HSPB7: variants seen among roughly 807,000 people sequenced by gnomAD.
The protein encoded by HSPB7 is heat shock protein beta-7.
Under a neutral mutation model 11.0 loss-of-function variants are expected in HSPB7, and 9 were observed. The ratio of observed to expected loss-of-function variants is 0.82; its 90% confidence interval spans 0.49 to 1.43. The LOEUF (loss-of-function observed/expected upper bound fraction) is 1.43. HSPB7 is among the 40% of genes most tolerant of loss of function. The probability of loss-of-function intolerance (pLI) is 0.00; values close to 1 mark genes in which losing one functional copy is unlikely to be tolerated. For missense variants in HSPB7, 246 were observed against 243.9 expected, an observed-to-expected ratio of 1.01 and a Z score of -0.06; for synonymous variants, 102 against 101.6, an observed-to-expected ratio of 1.00 and a Z score of -0.02.
At chr1:16,018,210 G>A, upstream of HSPB7, 1 of 1,492,830 alleles carries the variant, frequency 6.7e-7, no homozygotes, top group Non-Finnish European at 9.0e-7. Context: ...CGAGAGGGCT[G>A]AGCTCACAGC....
Position 16,018,030 on chromosome 1 carries a change from C to G in HSPB7, c.-67G>C, listed in dbSNP as rs1221436685. ...GACAGGAGAGGGTGTGGGCGCAGGCCTCTGGGCGAGCGTGCCAGGCTCCGA... is the reference window on the plus strand; with the variant it reads ...GACAGGAGAGGGTGTGGGCGCAGGCGTCTGGGCGAGCGTGCCAGGCTCCGA... On this transcript the variant is annotated 5_prime_UTR_variant, in exon 1 of 3. Coordinates refer to ENST00000311890, the MANE Select transcript of HSPB7 (RefSeq NM_014424.5). 2 of 1,610,376 alleles carry G rather than the reference C, an allele frequency of 1.2e-6. No individual in the cohort carries two copies. The highest frequency in any genetic ancestry group is 1.7e-6 in the Non-Finnish European group (2 of 1,178,770).
At chr1:16,016,144 C>T (rs1013633334) in intron 2 of HSPB7, among the ~76,000 whole-genome samples, 15 of 152,248 alleles carry the variant, frequency 9.9e-5, no homozygotes, top group Non-Finnish European at 1.8e-4. Flanking sequence ...GGCTGAGCGC[C>T]GGCCCCTCCC....
At chr1:16,017,005 G>A (rs374305831) in intron 2 of HSPB7, 69 bp downstream of exon 2, 1 of 1,500,508 alleles carries the variant, frequency 6.7e-7, no homozygotes, top group African/African-American at 1.4e-5. Flanking sequence ...AGGATGGTAA[G>A]GGGGAGTAGG....
In HSPB7 at chr1:16,015,030, G is replaced by A. The variant is rs1739839; in HGVS notation, c.*550C>T. 10,719 of 154,046 alleles carry A rather than the reference G, an allele frequency of 0.07. 410 individuals carry two copies. Among genetic ancestry groups the A allele is most frequent in the South Asian group, 0.14 (714 of 4,930 alleles). 9.5% of individuals were successfully genotyped at this position (154,046 alleles called of 1,614,324 possible). On this transcript the variant is annotated 3_prime_UTR_variant, in exon 3 of 3. Coordinates refer to ENST00000311890, the MANE Select transcript of HSPB7 (RefSeq NM_014424.5). The surrounding 1 kb of genome is among the most constrained non-coding windows in gnomAD (Gnocchi z 4.9). ...GTGGGCAGGCAGCCTGCTCGCTGGC[G>A]TGGGGCTTGGAGGCTGGTAGAGGGG...
chr1:16,016,399 C>T (rs867325526), intron 2 of HSPB7, among the ~76,000 whole-genome samples: 14 of 152,308 alleles, frequency 9.2e-5, no homozygotes, highest in Admixed American at 3.3e-4. Context: ...CCCTGGGCAA[C>T]GCCCCTGTTC....
At position 16,017,071 on chromosome 1, in the gene HSPB7, C is replaced by T. The variant is rs759289614; in HGVS notation, c.333+3G>A. ...TGCGGTGAGTAGGGGGTGGGGGGCTCACCTTCTCAGCCCGCACCTCGATGT... is the reference window on the plus strand; with the variant it reads ...TGCGGTGAGTAGGGGGTGGGGGGCTTACCTTCTCAGCCCGCACCTCGATGT... On this transcript the variant is annotated splice_donor_region_variant and intron_variant, in intron 2 of 2. Coordinates refer to ENST00000311890, the MANE Select transcript of HSPB7 (RefSeq NM_014424.5). The T allele has an allele frequency of 5.6e-6, 9 of 1,604,054 alleles. No homozygotes were observed. The highest frequency in any genetic ancestry group is 7.7e-6 in the Non-Finnish European group (9 of 1,172,096).
chr1:16,018,056 C>T (rs779753608), upstream of HSPB7: 46 of 1,600,610 alleles, frequency 2.9e-5, no homozygotes, highest in Non-Finnish European at 3.9e-5. Context: ...CAGGCTCCGA[C>T]TGCGGCCGCT....
rs757875336 is a variant in HSPB7, at chr1:16,015,799, C to A, written c.334-40G>T. 4.6e-6 allele frequency: 7 copies of A among 1,528,192 alleles called. No individual in the cohort carries two copies. The highest frequency in any genetic ancestry group is 3.5e-6 in the Non-Finnish European group (4 of 1,133,940). The allele number at this position is 1,528,192 out of a possible 1,614,324, so 94.7% of individuals were successfully genotyped here. A position where few individuals can be genotyped will look rare whatever the true frequency, so the allele number is the denominator to read the frequency against. ...ACCCGTCAGGCAGGCTGCCCCGACC[C>A]CTGTCCTGCTTGTGACAAGCCAGAG... is the stretch of plus-strand genomic sequence containing the variant. On this transcript the variant is annotated intron_variant, in intron 2 of 2. Transcript: ENST00000311890. This position sits in a 1 kb window ranked among gnomAD's most constrained non-coding sequence, Gnocchi z 4.9.
upstream of HSPB7, chr1:16,019,284 C>G (rs780411068): frequency 6.8e-7 from 1 of 1,478,476 alleles, no homozygotes; most frequent in South Asian, 1.2e-5. Flanking sequence ...GGAGGCCTCT[C>G]TGACTGCTCC....
chr1:16,017,274 T>A (rs1048899244), intron 1 of HSPB7, 67 bp from the exon 2 acceptor site: 34 of 1,577,956 alleles, frequency 2.2e-5, no homozygotes, highest in Non-Finnish European at 3.5e-6. Flanking sequence ...GGGTTCTGGC[T>A]CCTTCTCTTG....
intron 1 of HSPB7, 47 bp from the exon 2 acceptor site, chr1:16,017,254 G>T: frequency 6.3e-7 from 1 of 1,594,658 alleles, no homozygotes; most frequent in Non-Finnish European, 8.6e-7. Context: ...GGCCTTGCAT[G>T]CAGATCCGGG....
chr1:16,016,577 T>C (rs2021745083), intron 2 of HSPB7, among the ~76,000 whole-genome samples: 1 of 152,146 alleles, frequency 6.6e-6, no homozygotes, highest in African/African-American at 2.4e-5. Flanking sequence ...TCGGGCCTAA[T>C]TTAGGGGTCC....
upstream of HSPB7, chr1:16,018,099 A>T: frequency 6.4e-7 from 1 of 1,560,622 alleles, no homozygotes; most frequent in South Asian, 1.2e-5. Context: ...GCTTGGGGCC[A>T]GCCCCTTGTC....
intron 1 of HSPB7, 108 bp from the exon 2 acceptor site, chr1:16,017,315 T>TC: frequency 7.0e-7 from 1 of 1,435,996 alleles, no homozygotes; most frequent in Admixed American, 1.9e-5. Flanking sequence ...AGGCCCTACC[T>TC]CCCCCCTAGC....
chr1:16,018,063 C>T (rs773621354), upstream of HSPB7: 18 of 1,595,922 alleles, frequency 1.1e-5, no homozygotes, highest in South Asian at 4.5e-5. Flanking sequence ...CGACTGCGGC[C>T]GCTTTATAAG....
In HSPB7 at chr1:16,017,562, C is replaced by T. The variant is rs1045516550; in HGVS notation, c.199+203G>A. 50 of 600,030 alleles carry T rather than the reference C, an allele frequency of 8.3e-5. 2 individuals carry two copies. The highest frequency in any genetic ancestry group is 1.2e-4 in the Non-Finnish European group (41 of 343,316). 37.2% of individuals were successfully genotyped at this position (600,030 alleles called of 1,614,324 possible). A position where few individuals can be genotyped will look rare whatever the true frequency, so the allele number is the denominator to read the frequency against. ...ATGGAACCATGTCCAACCCCCAGGGCCACAACTGTTCCTTAGAGGCCCACC... is the reference window on the plus strand; with the variant it reads ...ATGGAACCATGTCCAACCCCCAGGGTCACAACTGTTCCTTAGAGGCCCACC... On this transcript the variant is annotated intron_variant, in intron 1 of 2. Coordinates refer to ENST00000311890, the MANE Select transcript of HSPB7 (RefSeq NM_014424.5).
chr1:16,016,449 C>G (rs2021737038), intron 2 of HSPB7, among the ~76,000 whole-genome samples: 1 of 152,212 alleles, frequency 6.6e-6, no homozygotes, highest in Non-Finnish European at 1.5e-5. Context: ...GGCCCCAGTG[C>G]CTCCTAGAAG....
At chr1:16,018,357 T>G, upstream of HSPB7, 1 of 1,206,026 alleles carries the variant, frequency 8.3e-7, no homozygotes, top group Non-Finnish European at 1.0e-6. Flanking sequence ...TGTGTTTTGT[T>G]TCCCCCGTCA....
At chr1:16,016,606 T>C (rs1272536865) in intron 2 of HSPB7, among the ~76,000 whole-genome samples, 1 of 152,134 alleles carries the variant, frequency 6.6e-6, no homozygotes, top group Non-Finnish European at 1.5e-5. Flanking sequence ...GGGATGGGTC[T>C]CCAGCTGTGG....
Sources: gnomAD v4.1 joint callset for allele counts (sites outside exome capture counted in the v4.1 genomes callset) on GRCh38, gnomAD v4.1.1 for gene constraint, Gnocchi (gnomAD v3.1) non-coding constraint, MANE v1.5 for transcripts, NCBI Gene and HGNC (gene_info 2026-07-23, HGNC 2026-07-21) for gene names.